The following MBTD1 variants were observed in gnomAD, a reference collection of about 807,000 sequenced individuals.
MBTD1 encodes MBT domain-containing protein 1.
A neutral mutation model predicts 87.8 loss-of-function variants in MBTD1; 24 were observed. The ratio of observed to expected loss-of-function variants is 0.27; its 90% confidence interval spans 0.20 to 0.38. The LOEUF (loss-of-function observed/expected upper bound fraction) is 0.38, where lower values mean the gene tolerates loss of function less well. Ranked by LOEUF, MBTD1 falls within the 10% of genes least tolerant of loss-of-function variation. The probability of loss-of-function intolerance (pLI) is 1.00; values close to 1 mark genes in which losing one functional copy is unlikely to be tolerated. For synonymous variants in MBTD1, 237 were observed against 248.6 expected, an observed-to-expected ratio of 0.95 and a Z score of 0.44; for missense variants, 436 against 760.2, an observed-to-expected ratio of 0.57 and a Z score of 5.02.
At position 51,179,482 on chromosome 17, in the gene MBTD1, T is replaced by TTATATATATATATATATATATATATATA. The variant is rs1491325264; in HGVS notation, c.*1093_*1094insTATATATATATATATATATATATATATA. ...AAATCCTGAATACAATTAAAGACAA[T>TTATATATATATATATATATATATATATA]TTTATATATATATATATATATATAT... On this transcript the variant is annotated 3_prime_UTR_variant, in exon 17 of 17. Coordinates refer to ENST00000586178, the MANE Select transcript of MBTD1 (RefSeq NM_017643.3). 1.6e-4 allele frequency: 5 copies of TTATATATATATATATATATATATATATA among 31,650 alleles called. No homozygotes were observed. The South Asian group carries it at 3.6e-3, about 23-fold the overall frequency. The allele number at this position is 31,650 out of a possible 1,614,324, so 2.0% of individuals were successfully genotyped here.
intron 12 of MBTD1, among the ~76,000 whole-genome samples, chr17:51,197,711 G>T (rs2051219157): frequency 6.6e-6 from 1 of 151,934 alleles, no homozygotes; most frequent in Non-Finnish European, 1.5e-5. Context: ...GCTCAGGCTG[G>T]TTTCAAACTC....
chr17:51,255,975 T>C (rs986419425), intron 2 of MBTD1, among the ~76,000 whole-genome samples: 5 of 152,180 alleles, frequency 3.3e-5, no homozygotes, highest in African/African-American at 1.2e-4. Flanking sequence ...GTATTAGACT[T>C]AACATTCCTG....
chr17:51,223,690 G>A (rs561022039), intron 3 of MBTD1, among the ~76,000 whole-genome samples: 23 of 152,168 alleles, frequency 1.5e-4, no homozygotes, highest in Non-Finnish European at 2.4e-4. Flanking sequence ...ATGAAAATAC[G>A]CCAGGCATGG....
At chr17:51,225,320 T>G in intron 2 of MBTD1, 111 bp from the exon 3 acceptor site, 1 of 491,966 alleles carries the variant, frequency 2.0e-6, no homozygotes, top group Non-Finnish European at 3.4e-6. Flanking sequence ...AACGCAGCCC[T>G]GAGAAATAAC....
intron 16 of MBTD1, among the ~76,000 whole-genome samples, chr17:51,187,022 T>C (rs1214534729): frequency 6.6e-6 from 1 of 152,204 alleles, no homozygotes; most frequent in East Asian, 1.9e-4. Context: ...TCCTAACTTT[T>C]AGTTTACAAT....
intron 2 of MBTD1, among the ~76,000 whole-genome samples, chr17:51,235,966 A>T (rs1488890958): frequency 6.6e-6 from 1 of 152,160 alleles, no homozygotes; most frequent in Non-Finnish European, 1.5e-5. Flanking sequence ...GATCAATGAA[A>T]CAGAATAAGA....
rs2050222280 is a variant in MBTD1, at chr17:51,179,512, A to ATATT, written c.*1063_*1064insAATA. The ATATT allele has an allele frequency of 2.1e-5, 2 of 97,036 alleles. No homozygotes were observed. Among genetic ancestry groups the ATATT allele is most frequent in the Non-Finnish European group, 4.3e-5 (2 of 46,356 alleles). The allele number at this position is 97,036 out of a possible 1,614,324, so 6.0% of individuals were successfully genotyped here. On this transcript the variant is annotated 3_prime_UTR_variant, in exon 17 of 17. Coordinates refer to ENST00000586178, the MANE Select transcript of MBTD1 (RefSeq NM_017643.3). ...TATATATATATATATATATATATAT[A>ATATT]TATATATATATATATATATATATAT...
At chr17:51,197,834 C>G (rs1019423648) in intron 12 of MBTD1, among the ~76,000 whole-genome samples, 2 of 152,278 alleles carry the variant, frequency 1.3e-5, no homozygotes, top group Non-Finnish European at 2.9e-5. Flanking sequence ...AACATTTTCT[C>G]CTAGTCTCTT....
chr17:51,207,203 G>A (rs1194039104), intron 6 of MBTD1, among the ~76,000 whole-genome samples, 198 bp from the exon 7 acceptor site: 1 of 152,112 alleles, frequency 6.6e-6, no homozygotes, highest in African/African-American at 2.4e-5. Context: ...ACATATATTA[G>A]ACTAGATTCA....
At chr17:51,197,809 C>G (rs1270726223) in intron 12 of MBTD1, among the ~76,000 whole-genome samples, 2 of 152,144 alleles carry the variant, frequency 1.3e-5, no homozygotes, top group Non-Finnish European at 2.9e-5. Flanking sequence ...ACCCAGCCTA[C>G]TCTTAATTTT....
chr17:51,213,534 T>C (rs1395933291), intron 6 of MBTD1, among the ~76,000 whole-genome samples: 1 of 151,826 alleles, frequency 6.6e-6, no homozygotes, highest in Non-Finnish European at 1.5e-5. Context: ...AGGGGCTTAA[T>C]TAAAAAGCAC....
intron 2 of MBTD1, among the ~76,000 whole-genome samples, chr17:51,253,424 A>G (rs1230177341): frequency 6.6e-6 from 1 of 152,214 alleles, no homozygotes; most frequent in Non-Finnish European, 1.5e-5. Context: ...CAAACTTACA[A>G]TCAGCAGGGG....
In MBTD1 at chr17:51,177,836, G is replaced by A. The variant is rs2050158783; in HGVS notation, c.*2740C>T. ...TATGAAAATCAAAGGAAGAAACCCA[G>A]TTTAATCACAGTATTTTTAAAATCC... On this transcript the variant is annotated 3_prime_UTR_variant, in exon 17 of 17. Transcript: ENST00000586178. 1 of 152,076 alleles carries A rather than the reference G, an allele frequency of 6.6e-6. No individual in the cohort carries two copies. The highest frequency in any genetic ancestry group is 1.5e-5 in the Non-Finnish European group (1 of 68,008). 9.4% of individuals were successfully genotyped at this position (152,076 alleles called of 1,614,324 possible). A position where few individuals can be genotyped will look rare whatever the true frequency, so the allele number is the denominator to read the frequency against.
At chr17:51,260,799 T>G, upstream of MBTD1, 1 of 1,581,752 alleles carries the variant, frequency 6.3e-7, no homozygotes, top group Non-Finnish European at 8.6e-7. Context: ...GAGAGACGGC[T>G]CCGGCAGCGG....
intron 6 of MBTD1, among the ~76,000 whole-genome samples, chr17:51,215,569 G>C (rs2052519959): frequency 6.6e-6 from 1 of 152,170 alleles, no homozygotes; most frequent in South Asian, 2.1e-4. Context: ...ATCTAATTCT[G>C]AGCGTCAAGA....
intron 12 of MBTD1, 55 bp from the exon 13 acceptor site, chr17:51,195,416 A>G: frequency 7.1e-7 from 1 of 1,399,606 alleles, no homozygotes; most frequent in Non-Finnish European, 9.7e-7. Flanking sequence ...TATTATAAAA[A>G]TAATACTTTG....
intron 6 of MBTD1, among the ~76,000 whole-genome samples, chr17:51,215,219 A>T (rs2052496441): frequency 6.6e-6 from 1 of 152,236 alleles, no homozygotes; most frequent in African/African-American, 2.4e-5. Context: ...ATCATTAATC[A>T]TGTGGTAAGG....
At chr17:51,192,540 G>T (rs945511166) in intron 15 of MBTD1, 19 of 709,684 alleles carry the variant, frequency 2.7e-5, no homozygotes, top group Non-Finnish European at 3.8e-5. Context: ...AGTAAGTCTA[G>T]TTTAATTTGG....
chr17:51,259,795 C>A (rs1037689489), intron 1 of MBTD1, 40 bp downstream of exon 1: 177 of 1,232,532 alleles, frequency 1.4e-4, no homozygotes, highest in Non-Finnish European at 1.8e-4. Context: ...GGCGTCCCCC[C>A]CACCTGGCAC....
Sources: gnomAD v4.1 joint callset for allele counts (sites outside exome capture counted in the v4.1 genomes callset) on GRCh38, gnomAD v4.1.1 for gene constraint, MANE v1.5 for transcripts, NCBI Gene and HGNC (gene_info 2026-07-23, HGNC 2026-07-21) for gene names.